The following CSMD1 variants were observed in gnomAD, a reference collection of about 807,000 sequenced individuals.
CSMD1 encodes the protein CUB and Sushi multiple domains 1, also known as CUB and sushi domain-containing protein 1.
In CSMD1, 213 loss-of-function variants were observed where a neutral mutation model predicts 417.5. The ratio of observed to expected loss-of-function variants is 0.51; its 90% CI spans 0.46 to 0.57. The LOEUF (loss-of-function observed/expected upper bound fraction) is 0.57, where lower values mean the gene tolerates loss of function less well. Ranked by LOEUF, CSMD1 falls within the 20% of genes least tolerant of loss-of-function variation. The pLI, the probability that CSMD1 is intolerant of heterozygous loss-of-function variation, is 0.00. For missense variants in CSMD1, 6,923 were observed against 4,529.7 expected, an observed-to-expected ratio of 1.53 and a Z score of -15.17; for synonymous variants, 2,862 against 1,736.8, an observed-to-expected ratio of 1.65 and a Z score of -16.11.
At chr8:3,877,777 A>G (rs1047722333) in intron 5 of CSMD1, among the ~76,000 whole-genome samples, 1 of 152,242 alleles carries the variant, frequency 6.6e-6, no homozygotes, top group African/African-American at 2.4e-5. Flanking sequence ...TAGCGTTAGC[A>G]TGGCATGTTA....
At chr8:4,575,308 G>T (rs989848090) in intron 2 of CSMD1, among the ~76,000 whole-genome samples, 3 of 152,150 alleles carry the variant, frequency 2.0e-5, no homozygotes, top group African/African-American at 7.2e-5. Context: ...TCCTTTTTAT[G>T]TAATAATGTG....
intron 36 of CSMD1, among the ~76,000 whole-genome samples, chr8:3,185,110 G>C (rs190559417): frequency 1.3e-5 from 2 of 152,238 alleles, no homozygotes; most frequent in Non-Finnish European, 2.9e-5. Flanking sequence ...TTTATAGCCA[G>C]TTGGTCAGAG....
intron 3 of CSMD1, among the ~76,000 whole-genome samples, chr8:4,414,811 CTTAGAG>C (rs1163338513): frequency 1.4e-4 from 21 of 152,068 alleles, no homozygotes; most frequent in African/African-American, 4.8e-4. Context: ...TCAAATTTTC[CTTAGAG>C]TTAGTTATTG....
intron 3 of CSMD1, among the ~76,000 whole-genome samples, chr8:4,072,507 T>C (rs11776755): frequency 0.13 from 19,319 of 152,220 alleles, 1,528 homozygotes; most frequent in African/African-American, 0.22. Context: ...ATCCATGCAA[T>C]TGCTGAAAGC....
chr8:4,364,824 C>CAAAAAAA lies in CSMD1; in HGVS notation c.415+55122_415+55128dup, dbSNP rs60925117. ...TGCGCGACAGAGCGAGACTCCTTCTCAAAAAAAAAAAAAAAAAAAAAAAAA... is the reference window on the plus strand; with the variant it reads ...TGCGCGACAGAGCGAGACTCCTTCTCAAAAAAAAAAAAAAAAAAAAAAAAAAAAAAAA... On this transcript the variant is annotated intron_variant, in intron 3 of 69. Coordinates refer to ENST00000635120, the MANE Select transcript of CSMD1 (RefSeq NM_033225.6). Among the ~76,000 whole-genome samples, 9 of 84,918 alleles carry CAAAAAAA rather than the reference C, an allele frequency of 1.1e-4. 1 individual carries two copies. Among genetic ancestry groups the CAAAAAAA allele is most frequent in the Non-Finnish European group, 2.3e-4 (8 of 35,210 alleles). 55.7% of individuals were successfully genotyped at this position (84,918 alleles called of 152,430 possible).
intron 12 of CSMD1, among the ~76,000 whole-genome samples, chr8:3,429,855 G>T (rs1306049970): frequency 6.6e-6 from 1 of 152,088 alleles, no homozygotes; most frequent in South Asian, 2.1e-4. Flanking sequence ...CACAGCAACA[G>T]CCAGCACTAC....
chr8:4,082,740 A>G (rs937103128), intron 3 of CSMD1, among the ~76,000 whole-genome samples: 3 of 147,496 alleles, frequency 2.0e-5, no homozygotes, highest in African/African-American at 7.5e-5. Flanking sequence ...CATTAGGTAT[A>G]TCTCCTGATG....
In CSMD1 at chr8:3,619,410, CAAAG is replaced by C. The variant is rs529230387; in HGVS notation, c.1010-2617_1010-2614del. 6.2e-4 allele frequency among the ~76,000 whole-genome samples: 94 copies of C among 151,508 alleles called. 1 individual carries two copies. In the East Asian group the frequency reaches 0.015, roughly 24 times the overall value. Reference sequence around the variant, plus strand: ...TTTTTAACAAAAACCACAAGGCATACAAAGAAAGAGGGAAACATGGCCATTCAAA... The same window carrying C: ...TTTTTAACAAAAACCACAAGGCATACAAAGAGGGAAACATGGCCATTCAAA... On this transcript the variant is annotated intron_variant, in intron 7 of 69. Coordinates refer to ENST00000635120, the MANE Select transcript of CSMD1 (RefSeq NM_033225.6).
intron 3 of CSMD1, among the ~76,000 whole-genome samples, chr8:4,072,354 A>G (rs767419296): frequency 1.3e-5 from 2 of 152,186 alleles, no homozygotes; most frequent in Admixed American, 6.5e-5. Context: ...TACAAATACT[A>G]GTTTTCAATA....
At chr8:3,048,868 G>C (rs1187243146) in intron 50 of CSMD1, among the ~76,000 whole-genome samples, 1 of 119,094 alleles carries the variant, frequency 8.4e-6, no homozygotes, top group Non-Finnish European at 1.9e-5. Context: ...ACTATATAAA[G>C]AACTCTTAAA....
chr8:4,375,770 G>T (rs536329978), intron 3 of CSMD1, among the ~76,000 whole-genome samples: 21 of 152,302 alleles, frequency 1.4e-4, no homozygotes, highest in African/African-American at 5.1e-4. Context: ...TCTTTGTACA[G>T]TGATTTCCCC....
intron 10 of CSMD1, among the ~76,000 whole-genome samples, chr8:3,502,822 T>C (rs573762549): frequency 3.9e-5 from 6 of 152,218 alleles, no homozygotes; most frequent in East Asian, 3.9e-4. Context: ...ACAGAGTAAA[T>C]AGCAGCCGGA....
chr8:3,620,368 T>G (rs947081649), intron 7 of CSMD1, among the ~76,000 whole-genome samples: 1 of 152,008 alleles, frequency 6.6e-6, no homozygotes, highest in Admixed American at 6.6e-5. Flanking sequence ...GGTAAATACA[T>G]GAAAATATAT....
intron 23 of CSMD1, among the ~76,000 whole-genome samples, chr8:3,325,745 A>AC (rs1215503824): frequency 1.3e-5 from 2 of 152,012 alleles, no homozygotes; most frequent in Admixed American, 6.6e-5. Flanking sequence ...AATTGCTTGA[A>AC]CCCGGGAGGC....
chr8:4,063,616 C>G (rs953460717), intron 3 of CSMD1, among the ~76,000 whole-genome samples: 17 of 152,278 alleles, frequency 1.1e-4, no homozygotes, highest in African/African-American at 3.8e-4. Flanking sequence ...GTTTCCAGTT[C>G]AGCGGCTTCC....
chr8:3,970,101 C>T (rs779752322), intron 5 of CSMD1, among the ~76,000 whole-genome samples: 1 of 152,146 alleles, frequency 6.6e-6, no homozygotes. Flanking sequence ...AAAAACCTTC[C>T]TTTGTGAGAA....
At chr8:3,561,359 A>G (rs1221116077) in intron 10 of CSMD1, among the ~76,000 whole-genome samples, 2 of 152,248 alleles carry the variant, frequency 1.3e-5, no homozygotes, top group Non-Finnish European at 1.5e-5. Flanking sequence ...ACTATTCACA[A>G]TAGCAAAGTC....
At chr8:3,479,220 A>G (rs1009355776) in intron 11 of CSMD1, among the ~76,000 whole-genome samples, 4 of 152,196 alleles carry the variant, frequency 2.6e-5, no homozygotes, top group African/African-American at 9.7e-5. Flanking sequence ...TAAACAAGGT[A>G]CTTGCTTGCT....
intron 3 of CSMD1, among the ~76,000 whole-genome samples, chr8:4,353,425 T>C (rs773708049): frequency 1.3e-4 from 20 of 152,136 alleles, no homozygotes; most frequent in Admixed American, 6.6e-4. Flanking sequence ...CCTTTATAAA[T>C]TACCTATTCT....
Sources: allele counts gnomAD v4.1 joint callset (sites outside exome capture counted in the v4.1 genomes callset), GRCh38; gene constraint gnomAD v4.1.1; transcripts MANE v1.5; gene names NCBI Gene and HGNC (gene_info 2026-07-23, HGNC 2026-07-21).